The following RRAGC variants were observed in gnomAD, a reference collection of about 807,000 sequenced individuals.
The protein encoded by RRAGC is ras-related GTP-binding protein C.
Under a neutral mutation model 37.1 loss-of-function variants are expected in RRAGC, and 8 were observed. That is an observed-to-expected ratio of 0.22 (90% CI 0.13 to 0.39). The LOEUF (loss-of-function observed/expected upper bound fraction) is 0.39. Among genes scored for constraint, RRAGC ranks in the 10% least tolerant of loss-of-function variants. RRAGC has a pLI of 1.00. For missense variants in RRAGC, 342 were observed against 497.6 expected, an observed-to-expected ratio of 0.69 and a Z score of 2.98; for synonymous variants, 190 against 181.1, an observed-to-expected ratio of 1.05 and a Z score of -0.39.
In RRAGC at chr1:38,839,438, T is replaced by C; in HGVS notation, c.*115A>G. ...AATGAGAAACTCTACCCCTTGTCTC[T>C]AGTGGAACAGGCACCAGATTCCCAC... On this transcript the variant is annotated 3_prime_UTR_variant, in exon 7 of 7. Transcript: ENST00000373001. The C allele has an allele frequency of 8.9e-7, 1 of 1,117,548 alleles. No individual in the cohort carries two copies. The highest frequency in any genetic ancestry group is 1.3e-6 in the Non-Finnish European group (1 of 783,148). The allele number at this position is 1,117,548 out of a possible 1,614,324, so 69.2% of individuals were successfully genotyped here. A position where few individuals can be genotyped will look rare whatever the true frequency, so the allele number is the denominator to read the frequency against.
At chr1:38,858,392 CTATT>C (rs1384373087) in intron 1 of RRAGC, among the ~76,000 whole-genome samples, 2 of 152,156 alleles carry the variant, frequency 1.3e-5, no homozygotes, top group African/African-American at 2.4e-5. Flanking sequence ...AACCTTGCCT[CTATT>C]TAACCCTCAC....
intron 1 of RRAGC, among the ~76,000 whole-genome samples, chr1:38,859,156 G>C (rs1020265703): frequency 2.0e-5 from 3 of 152,370 alleles, no homozygotes; most frequent in Admixed American, 2.0e-4. Context: ...GAGGTCTTGG[G>C]CGGTGCCACC....
At chr1:38,847,137 A>G (rs1031757079) in intron 5 of RRAGC, 2 of 152,184 alleles carry the variant, frequency 1.3e-5, no homozygotes, top group Non-Finnish European at 2.9e-5. Context: ...AAAGGAAAAG[A>G]AAATGTCAGG....
chr1:38,853,604 A>G (rs1188506622), intron 3 of RRAGC, among the ~76,000 whole-genome samples: 3 of 152,102 alleles, frequency 2.0e-5, no homozygotes, highest in Non-Finnish European at 4.4e-5. Flanking sequence ...AAAATTAGCC[A>G]GGCGTGGTGG....
At chr1:38,840,147 C>CAAAAA (rs397939319) in intron 6 of RRAGC, among the ~76,000 whole-genome samples, 12 of 45,080 alleles carry the variant, frequency 2.7e-4, no homozygotes, top group Middle Eastern at 0.013. Context: ...GACTCCAACT[C>CAAAAA]AAAAAAAAAA....
chr1:38,858,907 T>C (rs913299384), intron 1 of RRAGC, among the ~76,000 whole-genome samples: 6 of 152,254 alleles, frequency 3.9e-5, no homozygotes, highest in South Asian at 2.1e-4. Flanking sequence ...TTCCCAGTAA[T>C]GCTACAGCGA....
chr1:38,851,801 C>A (rs1642103929), intron 4 of RRAGC, 44 bp from the exon 5 acceptor site: 2 of 1,537,104 alleles, frequency 1.3e-6, no homozygotes, highest in South Asian at 1.2e-5. Context: ...TTTTAAGAAT[C>A]ACAATTTACA....
At chr1:38,844,216 G>A (rs1302964639) in intron 6 of RRAGC, among the ~76,000 whole-genome samples, 2 of 152,002 alleles carry the variant, frequency 1.3e-5, no homozygotes, top group African/African-American at 2.4e-5. Context: ...CAAAACAGGG[G>A]AAATACTCAT....
intron 1 of RRAGC, among the ~76,000 whole-genome samples, chr1:38,858,467 G>A (rs974335960): frequency 3.9e-5 from 6 of 152,216 alleles, no homozygotes; most frequent in Non-Finnish European, 1.5e-5. Flanking sequence ...GGGAGGCCAA[G>A]GCGGATGATC....
intron 5 of RRAGC, among the ~76,000 whole-genome samples, chr1:38,850,612 A>G (rs1419550002): frequency 3.9e-5 from 6 of 152,112 alleles, no homozygotes; most frequent in African/African-American, 1.4e-4. Context: ...AGACAAATGT[A>G]CTCTCCTACT....
chr1:38,839,368 T>C lies in RRAGC; in HGVS notation c.*185A>G, dbSNP rs927596093. On this transcript the variant is annotated 3_prime_UTR_variant, in exon 7 of 7. Coordinates refer to ENST00000373001, the MANE Select transcript of RRAGC (RefSeq NM_022157.4). ...TTTTTTGCCATTTTCAAAAAAGATA[T>C]AGTAGCTTCAGTTGTACACCACCAG... is the stretch of plus-strand genomic sequence containing the variant. 8 of 445,122 alleles carry C rather than the reference T, an allele frequency of 1.8e-5. No individual in the cohort carries two copies. The highest frequency in any genetic ancestry group is 1.3e-4 in the East Asian group (4 of 29,960). The allele number at this position is 445,122 out of a possible 1,614,324, so 27.6% of individuals were successfully genotyped here.
chr1:38,854,755 T>G (rs1340146711), intron 3 of RRAGC, among the ~76,000 whole-genome samples: 1 of 152,158 alleles, frequency 6.6e-6, no homozygotes, highest in Non-Finnish European at 1.5e-5. Flanking sequence ...GAAGAATAAC[T>G]GAAAGATCTT....
chr1:38,853,120 T>C (rs1280329818), intron 3 of RRAGC, among the ~76,000 whole-genome samples: 1 of 152,222 alleles, frequency 6.6e-6, no homozygotes, highest in East Asian at 1.9e-4. Flanking sequence ...CCCTGAACAG[T>C]GCTCATAAGT....
intron 5 of RRAGC, chr1:38,846,394 G>T: frequency 8.1e-6 from 2 of 246,924 alleles, no homozygotes; most frequent in Non-Finnish European, 1.5e-5. Context: ...TCACCAGGTG[G>T]GGCTACTCAC....
At chr1:38,855,371 T>C (rs969597926) in intron 3 of RRAGC, among the ~76,000 whole-genome samples, 2 of 152,216 alleles carry the variant, frequency 1.3e-5, no homozygotes, top group African/African-American at 4.8e-5. Flanking sequence ...ACTTCACTGA[T>C]GCAAGGCGGG....
intron 6 of RRAGC, among the ~76,000 whole-genome samples, chr1:38,842,511 A>G (rs1402122807): frequency 1.3e-5 from 2 of 152,220 alleles, no homozygotes; most frequent in Admixed American, 1.3e-4. Flanking sequence ...TAAACAGTCT[A>G]ACAATACCAA....
In RRAGC at chr1:38,859,731, C is replaced by G; in HGVS notation, c.-85G>C. ...CGCCTCCCCAGTCCGCCTCCGCCGCCGCCGCCACCACCGCCACCGCCCCCG... is the reference window on the plus strand; with the variant it reads ...CGCCTCCCCAGTCCGCCTCCGCCGCGGCCGCCACCACCGCCACCGCCCCCG... On this transcript the variant is annotated 5_prime_UTR_variant, in exon 1 of 7. Coordinates refer to ENST00000373001, the MANE Select transcript of RRAGC (RefSeq NM_022157.4). The G allele has an allele frequency of 8.5e-7, 1 of 1,169,780 alleles. No individual in the cohort carries two copies. The highest frequency in any genetic ancestry group is 1.1e-6 in the Non-Finnish European group (1 of 930,942). The allele number at this position is 1,169,780 out of a possible 1,614,324, so 72.5% of individuals were successfully genotyped here.
At chr1:38,844,118 C>T (rs1346594818) in intron 6 of RRAGC, among the ~76,000 whole-genome samples, 2 of 151,948 alleles carry the variant, frequency 1.3e-5, no homozygotes, top group African/African-American at 4.8e-5. Context: ...GCAATCACAC[C>T]ACACAATTAC....
chr1:38,840,409 C>G (rs60497247), intron 6 of RRAGC, among the ~76,000 whole-genome samples: 4,278 of 152,162 alleles, frequency 0.028, 216 homozygotes, highest in African/African-American at 0.096. Context: ...TTACACAGCA[C>G]GATAGAGGGT....
Sources: gnomAD v4.1 joint callset for allele counts (sites outside exome capture counted in the v4.1 genomes callset) on GRCh38, gnomAD v4.1.1 for gene constraint, MANE v1.5 for transcripts, NCBI Gene and HGNC (gene_info 2026-07-23, HGNC 2026-07-21) for gene names.